Variants in PCDHGA3 observed in about 807,000 individuals in gnomAD.
PCDHGA3 encodes the protein protocadherin gamma subfamily A, 3.
In PCDHGA3, 40 loss-of-function variants were observed where a neutral mutation model predicts 58.5. That is an observed-to-expected ratio of 0.68 (90% confidence interval 0.53 to 0.89). PCDHGA3 has a LOEUF of 0.89. Ranked by LOEUF, PCDHGA3 falls within the 40% of genes least tolerant of loss-of-function variation. The probability of loss-of-function intolerance (pLI) is 0.00; values close to 1 mark genes in which losing one functional copy is unlikely to be tolerated. For missense variants in PCDHGA3, 1,223 were observed against 1,195.9 expected (o/e 1.02, Z -0.33); for synonymous variants, 530 against 525.7 (o/e 1.01, Z -0.11).
chr5:141,509,059 C>T (rs1313349089), intron 3 of PCDHGA3, among the ~76,000 whole-genome samples: 2 of 152,182 alleles, frequency 1.3e-5, no homozygotes, highest in Non-Finnish European at 2.9e-5. Flanking sequence ...CCAGAAAGCT[C>T]TCAGCTCCGG....
intron 1 of PCDHGA3, among the ~76,000 whole-genome samples, chr5:141,494,338 ACAG>A (rs2099753688): frequency 6.6e-6 from 1 of 152,224 alleles, no homozygotes; most frequent in African/African-American, 2.4e-5. Flanking sequence ...GTTACCAAGA[ACAG>A]CAGCCATCTT....
At chr5:141,458,989 T>C (rs1341538997) in intron 1 of PCDHGA3, among the ~76,000 whole-genome samples, 1 of 152,134 alleles carries the variant, frequency 6.6e-6, no homozygotes, top group Non-Finnish European at 1.5e-5. Flanking sequence ...TGCCTCACCC[T>C]CCCAAAGTGC....
chr5:141,436,902 G>A (rs2097852984), intron 1 of PCDHGA3, among the ~76,000 whole-genome samples: 1 of 152,210 alleles, frequency 6.6e-6, no homozygotes, highest in Admixed American at 6.5e-5. Flanking sequence ...TTTTATATGA[G>A]ACAATTTTGT....
chr5:141,512,656 C>G lies in PCDHGA3; in HGVS notation c.*1483C>G, dbSNP rs1262748947. ...CCCTTACAGTAGTGTAGCGCCCCCT[C>G]CCTCTTTCGGCTGGTGTAGAATAGC... On this transcript the variant is annotated 3_prime_UTR_variant, in exon 4 of 4. Coordinates refer to ENST00000253812, the MANE Select transcript of PCDHGA3 (RefSeq NM_018916.4). 1 of 152,508 alleles carries G rather than the reference C, an allele frequency of 6.6e-6. No homozygotes were observed. The highest frequency in any genetic ancestry group is 1.5e-5 in the Non-Finnish European group (1 of 68,228). The allele number at this position is 152,508 out of a possible 1,614,324, so 9.4% of individuals were successfully genotyped here.
intron 1 of PCDHGA3, among the ~76,000 whole-genome samples, chr5:141,451,804 C>G (rs914303400): frequency 9.2e-5 from 14 of 151,946 alleles, no homozygotes; most frequent in African/African-American, 3.4e-4. Context: ...TTGCTTGAAC[C>G]CAGGAGGCGG....
At chr5:141,413,344 G>A in intron 1 of PCDHGA3, 1 of 1,613,986 alleles carries the variant, frequency 6.2e-7, no homozygotes. Context: ...CAAGGACTTG[G>A]GTCTGGCGCC....
chr5:141,431,068 A>G lies in PCDHGA3; in HGVS notation c.2425-63739A>G. 2 of 1,614,218 alleles carry G rather than the reference A, an allele frequency of 1.2e-6. No individual in the cohort carries two copies. Among genetic ancestry groups the G allele is most frequent in the South Asian group, 1.1e-5 (1 of 91,088 alleles). On this transcript the variant is annotated intron_variant, in intron 1 of 3. Coordinates refer to ENST00000253812, the MANE Select transcript of PCDHGA3 (RefSeq NM_018916.4). The surrounding 1 kb of genome is among the most constrained non-coding windows in gnomAD (Gnocchi z 4.8). ...TCTGTATGGGGGCCATCAAGTGTCA[A>G]TTAAATCTAGACATTCTGATGGAGG...
Position 141,366,401 on chromosome 5 carries a change from C to T in PCDHGA3, c.2424+19944C>T, listed in dbSNP as rs770890042. On this transcript the variant is annotated intron_variant, in intron 1 of 3. Transcript: ENST00000253812. ...TGACCCTGAGGATCTGGACCTCACA[C>T]TCTATCTTGTGGTGGCAGTGGCTGC... The T allele has an allele frequency of 1.4e-5, 22 of 1,614,202 alleles. No individual in the cohort carries two copies. In the East Asian group the frequency reaches 4.5e-4, roughly 33 times the overall value.
At chr5:141,365,057 A>T (rs1763709144) in intron 1 of PCDHGA3, 1 of 1,613,594 alleles carries the variant, frequency 6.2e-7, no homozygotes, top group Non-Finnish European at 8.5e-7. Context: ...GCCCCTGTTC[A>T]CCCCATCCGA....
At chr5:141,503,743 G>C (rs1465272424) in intron 2 of PCDHGA3, among the ~76,000 whole-genome samples, 1 of 152,126 alleles carries the variant, frequency 6.6e-6, no homozygotes, top group Non-Finnish European at 1.5e-5. Context: ...TGATGGTATA[G>C]AGGTCACACA....
chr5:141,388,989 G>A (rs1460138722), intron 1 of PCDHGA3: 1 of 1,613,886 alleles, frequency 6.2e-7, no homozygotes, highest in African/African-American at 1.3e-5. Context: ...TTTGCTCAAA[G>A]TCCGTGACAA....
At chr5:141,389,330 C>A in intron 1 of PCDHGA3, 2 of 1,614,000 alleles carry the variant, frequency 1.2e-6, no homozygotes, top group Non-Finnish European at 1.7e-6. Context: ...TGGGGCCCAA[C>A]GGCCAAGTCT....
intron 1 of PCDHGA3, among the ~76,000 whole-genome samples, chr5:141,437,164 T>C (rs1262289843): frequency 1.3e-5 from 2 of 152,226 alleles, no homozygotes; most frequent in Non-Finnish European, 2.9e-5. Flanking sequence ...GTGTTGATTG[T>C]TTTCTGAGAC....
At chr5:141,359,366 A>C (rs1761188368) in intron 1 of PCDHGA3, among the ~76,000 whole-genome samples, 1 of 152,098 alleles carries the variant, frequency 6.6e-6, no homozygotes, top group Non-Finnish European at 1.5e-5. Context: ...AGGCCTAGGA[A>C]AGCAGTAGAT....
Position 141,384,133 on chromosome 5 carries a change from C to G in PCDHGA3, c.2424+37676C>G, listed in dbSNP as rs770731491. The G allele has an allele frequency of 1.7e-5, 27 of 1,611,570 alleles. No homozygotes were observed. The highest frequency in any genetic ancestry group is 2.2e-5 in the Non-Finnish European group (26 of 1,178,832). ...ATTGGTCACAACCAAAAACTTGGACCGGGAAACACTCTCTTTGTATAACAT... is the reference window on the plus strand; with the variant it reads ...ATTGGTCACAACCAAAAACTTGGACGGGGAAACACTCTCTTTGTATAACAT... On this transcript the variant is annotated intron_variant, in intron 1 of 3. Coordinates refer to ENST00000253812, the MANE Select transcript of PCDHGA3 (RefSeq NM_018916.4).
chr5:141,413,904 G>T (rs1230344912), intron 1 of PCDHGA3: 3 of 1,613,160 alleles, frequency 1.9e-6, no homozygotes, highest in East Asian at 2.2e-5. Context: ...ATGACAACGC[G>T]CCGGTCTTCA....
At chr5:141,450,815 A>ATTAT (rs1554136868) in intron 1 of PCDHGA3, among the ~76,000 whole-genome samples, 98 of 126,742 alleles carry the variant, frequency 7.7e-4, no homozygotes, top group African/African-American at 3.1e-3. Flanking sequence ...TATTTATTTA[A>ATTAT]TATTATTATT....
chr5:141,408,770 A>G, intron 1 of PCDHGA3: 1 of 1,611,540 alleles, frequency 6.2e-7, no homozygotes. Flanking sequence ...CGATGGTGGC[A>G]AATACCCAGA....
intron 1 of PCDHGA3, chr5:141,350,905 G>A (rs1446048202): frequency 6.2e-7 from 1 of 1,614,058 alleles, no homozygotes. Context: ...TGGATGGCGG[G>A]GACCCGCCTC....
Sources: allele counts gnomAD v4.1 joint callset (sites outside exome capture counted in the v4.1 genomes callset), GRCh38; gene constraint gnomAD v4.1.1; non-coding constraint Gnocchi (gnomAD v3.1); transcripts MANE v1.5; gene names NCBI Gene and HGNC (gene_info 2026-07-23, HGNC 2026-07-21).